Variants in WDR25 observed in about 807,000 individuals in gnomAD.
The protein encoded by WDR25 is WD repeat-containing protein 25.
In WDR25, 35 loss-of-function variants were observed where a neutral mutation model predicts 47.7. The ratio of observed to expected loss-of-function variants is 0.73; its 90% confidence interval spans 0.56 to 0.97. The LOEUF is 0.97. Among genes scored for constraint, WDR25 ranks in the 50% least tolerant of loss-of-function variants. The pLI, the probability that WDR25 is intolerant of heterozygous loss-of-function variation, is 0.00. For synonymous variants in WDR25, 248 were observed against 278.9 expected, an observed-to-expected ratio of 0.89 and a Z score of 1.10; for missense variants, 634 against 704.7, an observed-to-expected ratio of 0.90 and a Z score of 1.14.
rs142390951 is a variant in WDR25 at position 100,381,703 on chromosome 14, A to G, written c.779A>G (p.Lys260Arg). The G allele has an allele frequency of 6.2e-7, 1 of 1,612,216 alleles. No homozygotes were observed. The highest frequency in any genetic ancestry group is 8.5e-7 in the Non-Finnish European group (1 of 1,179,390). Reference sequence around the variant, plus strand: ...ATTCAGTGGTGTCCAGTCCTTTCTAAGAGCCACATGCTTCTCTCCACTTCT... The same window carrying G: ...ATTCAGTGGTGTCCAGTCCTTTCTAGGAGCCACATGCTTCTCTCCACTTCT... Reference protein sequence around the residue: ...NTIQWCPVLSKSHMLLSTSMD... With the variant: ...NTIQWCPVLSRSHMLLSTSMD... The change falls in exon 2 of 7, where the codon AAG becomes AGG. Residue 260 changes from lysine (K) to arginine (R), a missense_variant. Coordinates refer to ENST00000402312, the MANE Select transcript of WDR25 (RefSeq NM_001161476.3).
At chr14:100,390,715 C>T (rs1897125135) in intron 2 of WDR25, among the ~76,000 whole-genome samples, 1 of 152,182 alleles carries the variant, frequency 6.6e-6, no homozygotes, top group African/African-American at 2.4e-5. Flanking sequence ...CACTGTCCGG[C>T]ACATCTTTTC....
At chr14:100,418,472 A>C (rs974965909) in intron 2 of WDR25, among the ~76,000 whole-genome samples, 30 of 151,774 alleles carry the variant, frequency 2.0e-4, no homozygotes, top group African/African-American at 6.8e-4. Flanking sequence ...TCTCTACTAA[A>C]AATACAAAAA....
chr14:100,525,733 T>G lies in WDR25; in HGVS notation c.1102-137T>G. 1.0e-6 allele frequency: 1 copy of G among 970,432 alleles called. No individual in the cohort carries two copies. The allele number at this position is 970,432 out of a possible 1,614,324, so 60.1% of individuals were successfully genotyped here. On this transcript the variant is annotated intron_variant, in intron 4 of 6. Transcript: ENST00000402312. The surrounding 1 kb of genome is among the most constrained non-coding windows in gnomAD (Gnocchi z 4.6). ...CATGATTCCATATATGGCTTGTGGG[T>G]GCTGCTCAGCCTGGGTGTGTGTGGC...
chr14:100,451,537 G>A (rs1406747828), intron 2 of WDR25, among the ~76,000 whole-genome samples: 2 of 152,192 alleles, frequency 1.3e-5, no homozygotes, highest in African/African-American at 4.8e-5. Context: ...TCTTACGTGA[G>A]CTGTTAGACT....
At chr14:100,528,976 A>C (rs535969704) in intron 5 of WDR25, 92 bp from the exon 6 acceptor site, 4 of 1,448,382 alleles carry the variant, frequency 2.8e-6, no homozygotes, top group Non-Finnish European at 3.7e-6. Flanking sequence ...GGAGACACCC[A>C]GCTAGGGTCT....
At chr14:100,442,072 A>G (rs987374487) in intron 2 of WDR25, among the ~76,000 whole-genome samples, 18 of 152,218 alleles carry the variant, frequency 1.2e-4, no homozygotes, top group African/African-American at 3.9e-4. Flanking sequence ...GAGCAGGAAC[A>G]TGGAGAGGGC....
chr14:100,529,134 G>A lies in WDR25; in HGVS notation c.1339G>A (p.Gly447Ser). The change falls in exon 6 of 7, where the codon GGC becomes AGC. Residue 447 changes from glycine to serine, a missense_variant. By Grantham distance (56) the Gly-to-Ser change is moderately conservative. Transcript: ENST00000402312. This position sits in a 1 kb window ranked among gnomAD's most constrained non-coding sequence, Gnocchi z 5.1. ...GCCCGTGTTCCTGGCACAGACCAATGGCAACTACCTGGCCCTTTTCTCCAC... is the reference window on the plus strand; with the variant it reads ...GCCCGTGTTCCTGGCACAGACCAATAGCAACTACCTGGCCCTTTTCTCCAC... ...REPVFLAQTN[G>S]NYLALFSTVW... The A allele has an allele frequency of 1.2e-6, 2 of 1,602,148 alleles. No individual in the cohort carries two copies. The highest frequency in any genetic ancestry group is 1.7e-6 in the Non-Finnish European group (2 of 1,170,674).
At chr14:100,385,197 C>T (rs1381385442) in intron 2 of WDR25, among the ~76,000 whole-genome samples, 2 of 152,134 alleles carry the variant, frequency 1.3e-5, no homozygotes, top group Admixed American at 1.3e-4. Context: ...TTTTATATTC[C>T]CCAGCATCTG....
intron 4 of WDR25, among the ~76,000 whole-genome samples, chr14:100,517,093 A>C (rs1179272262): frequency 7.0e-6 from 1 of 141,858 alleles, no homozygotes; most frequent in African/African-American, 2.7e-5. Flanking sequence ...ACTGCACCTG[A>C]CATATCTCCT....
chr14:100,480,977 G>A (rs1900177224), intron 3 of WDR25: 3 of 429,312 alleles, frequency 7.0e-6, no homozygotes, highest in Admixed American at 6.3e-5. Context: ...CAGCTCTGCT[G>A]AAGGGGCCAC....
Position 100,462,863 on chromosome 14 carries a change from AC to A in WDR25, c.823-5152del, listed in dbSNP as rs200931584. 8.1e-3 allele frequency among the ~76,000 whole-genome samples: 88 copies of A among 10,812 alleles called. 1 individual carries two copies. The African/African-American group carries it at 0.082, about 10-fold the overall frequency. 7.1% of individuals were successfully genotyped at this position (10,812 alleles called of 152,430 possible). On this transcript the variant is annotated intron_variant, in intron 2 of 6. Coordinates refer to ENST00000402312, the MANE Select transcript of WDR25 (RefSeq NM_001161476.3). ...TCTCTTCTTCCCCCTTCCTCTCTGC[AC>A]CCCCCTTCCTTTTTCCCTTCTCTTT...
At chr14:100,451,079 A>C (rs1181708428) in intron 2 of WDR25, among the ~76,000 whole-genome samples, 3 of 152,162 alleles carry the variant, frequency 2.0e-5, no homozygotes, top group African/African-American at 4.8e-5. Flanking sequence ...GAGTGAAAAA[A>C]GGTAGTTTTG....
At chr14:100,466,123 C>T (rs61990757) in intron 2 of WDR25, among the ~76,000 whole-genome samples, 1,982 of 152,268 alleles carry the variant, frequency 0.013, 14 homozygotes, top group Non-Finnish European at 0.02. Flanking sequence ...AATTCTTATT[C>T]CACTTTGAAG....
intron 4 of WDR25, among the ~76,000 whole-genome samples, chr14:100,494,590 G>A (rs376424166): frequency 6.6e-6 from 1 of 152,120 alleles, no homozygotes; most frequent in Non-Finnish European, 1.5e-5. Context: ...GTGTCTTGTG[G>A]CTAGGTTAGT....
chr14:100,503,004 CAT>C (rs1900985039), intron 4 of WDR25, among the ~76,000 whole-genome samples: 3 of 151,120 alleles, frequency 2.0e-5, no homozygotes, highest in Non-Finnish European at 4.4e-5. Context: ...TCCATCCATG[CAT>C]GTGTGTGTCC....
chr14:100,427,682 C>T (rs974010616), intron 2 of WDR25, among the ~76,000 whole-genome samples: 6 of 152,252 alleles, frequency 3.9e-5, no homozygotes, highest in Admixed American at 2.6e-4. Flanking sequence ...TCTTTCACCA[C>T]TGAAGGAAAT....
In WDR25 at chr14:100,404,529, C is replaced by T. The variant is rs887947483; in HGVS notation, c.822+22783C>T. ...TGTTCCTGGCTGGGAAACAGGGGCC[C>T]CTACCTGTGGGCTGCGTGGGCCAGG... On this transcript the variant is annotated intron_variant, in intron 2 of 6. Coordinates refer to ENST00000402312, the MANE Select transcript of WDR25 (RefSeq NM_001161476.3). This position sits in a 1 kb window ranked among gnomAD's most constrained non-coding sequence, Gnocchi z 4.6. Among the ~76,000 whole-genome samples, 1 of 152,180 alleles carries T rather than the reference C, an allele frequency of 6.6e-6. No homozygotes were observed. Among genetic ancestry groups the T allele is most frequent in the Non-Finnish European group, 1.5e-5 (1 of 68,038 alleles).
chr14:100,476,185 C>T (rs903691536), intron 3 of WDR25, among the ~76,000 whole-genome samples: 19 of 152,272 alleles, frequency 1.2e-4, no homozygotes, highest in East Asian at 3.9e-4. Context: ...GATTGCTGGC[C>T]GATGCAGGGC....
intron 2 of WDR25, among the ~76,000 whole-genome samples, chr14:100,394,338 C>G (rs1897210984): frequency 1.3e-5 from 2 of 152,166 alleles, no homozygotes; most frequent in Non-Finnish European, 2.9e-5. Flanking sequence ...GATGGCTCAG[C>G]TGATGGGCCT....
Sources: allele counts gnomAD v4.1 joint callset (sites outside exome capture counted in the v4.1 genomes callset), GRCh38; gene constraint gnomAD v4.1.1; non-coding constraint Gnocchi (gnomAD v3.1); transcripts MANE v1.5; gene names NCBI Gene and HGNC (gene_info 2026-07-23, HGNC 2026-07-21).